The following ENO3 variants were observed in gnomAD, a reference collection of about 807,000 sequenced individuals.
ENO3 encodes the protein enolase 3.
In ENO3, 46 loss-of-function variants were observed where a neutral mutation model predicts 47.7. That is an observed-to-expected ratio of 0.96 (90% CI 0.76 to 1.23). The LOEUF (loss-of-function observed/expected upper bound fraction) is 1.23. Ranked by LOEUF, ENO3 falls within the 50% of genes most tolerant of loss-of-function variation. The pLI, the probability that ENO3 is intolerant of heterozygous loss-of-function variation, is 0.00. For synonymous variants in ENO3, 223 were observed against 225.9 expected (o/e 0.99, Z 0.11); for missense variants, 575 against 566.2 (o/e 1.02, Z -0.16).
chr17:4,953,647 C>T, intron 5 of ENO3, 65 bp from the exon 6 acceptor site: 1 of 1,613,562 alleles, frequency 6.2e-7, no homozygotes, highest in Non-Finnish European at 8.5e-7. Flanking sequence ...CTGGCGTCTT[C>T]CTGGAGTAGC....
chr17:4,951,062 G>C (rs555482993), upstream of ENO3: 463 of 986,108 alleles, frequency 4.7e-4, no homozygotes, highest in Admixed American at 2.6e-3. Context: ...GAGAGGCGGG[G>C]CTGGCTGGGG....
At chr17:4,954,996 A>AG in intron 6 of ENO3, 79 bp from the exon 7 acceptor site, 6 of 1,359,744 alleles carry the variant, frequency 4.4e-6, no homozygotes, top group Non-Finnish European at 4.1e-6. Context: ...CCAGGTTTCC[A>AG]CCCCAACACC....
rs926240215 is a variant in ENO3, at chr17:4,953,125, C to G, written c.240+16C>G. 2 of 1,614,158 alleles carry G rather than the reference C, an allele frequency of 1.2e-6. No homozygotes were observed. Among genetic ancestry groups the G allele is most frequent in the Non-Finnish European group, 1.7e-6 (2 of 1,180,022 alleles). ...GCTGCAAAAGGCAAGTGGGGAAGCC[C>G]GCTCGCTGCAGCCTCCTCCCCATGC... On this transcript the variant is annotated intron_variant, in intron 4 of 11. Transcript: ENST00000519602.
Position 4,954,162 on chromosome 17 carries a change from A to G in ENO3, c.444+317A>G. On this transcript the variant is annotated intron_variant, in intron 6 of 11. Transcript: ENST00000519602. ...TATTGAGAGTTTCTTTGAGGCAAAGATCTTGGCATTTCTTTGTATCTTCTT... is the reference window on the plus strand; with the variant it reads ...TATTGAGAGTTTCTTTGAGGCAAAGGTCTTGGCATTTCTTTGTATCTTCTT... 6.6e-6 allele frequency: 3 copies of G among 454,622 alleles called. No individual in the cohort carries two copies. In the South Asian group the frequency reaches 7.1e-5, roughly 11 times the overall value. 28.2% of individuals were successfully genotyped at this position (454,622 alleles called of 1,614,324 possible).
At chr17:4,952,133 T>G (rs1971558528) in intron 2 of ENO3, 1 of 669,190 alleles carries the variant, frequency 1.5e-6, no homozygotes, top group Non-Finnish European at 2.7e-6. Context: ...AGAGGACACC[T>G]CAGCCCTTTG....
At chr17:4,948,742 G>T (rs1383137868), upstream of ENO3, 7 of 287,686 alleles carry the variant, frequency 2.4e-5, no homozygotes, top group Non-Finnish European at 4.6e-5. Flanking sequence ...GCAGAAGGAT[G>T]GGGGGTGGCG....
At chr17:4,955,669 T>C in intron 8 of ENO3, 65 bp downstream of exon 8, 2 of 1,601,796 alleles carry the variant, frequency 1.2e-6, no homozygotes, top group Non-Finnish European at 1.7e-6. Flanking sequence ...TATACTGATT[T>C]CAGTGACCTG....
rs779264075 is a variant in ENO3, at chr17:4,955,186, G to T, written c.556G>T (p.Ala186Ser). The change falls in exon 7 of 12, where the codon GCC becomes TCC. Residue 186 changes from alanine (A) to serine (S), a missense_variant. Transcript: ENST00000519602. Reference sequence around the variant, plus strand: ...CTTCAAGGAAGCCATGCGCATTGGCGCCGAGGTCTACCACCACCTCAAGGG... The same window carrying T: ...CTTCAAGGAAGCCATGCGCATTGGCTCCGAGGTCTACCACCACCTCAAGGG... Reference protein sequence around the residue: ...SSFKEAMRIGAEVYHHLKGVI... With the variant: ...SSFKEAMRIGSEVYHHLKGVI... 3.7e-6 allele frequency: 6 copies of T among 1,614,116 alleles called. No homozygotes were observed. In the Admixed American group the frequency reaches 1.0e-4, roughly 27 times the overall value.
rs372893427 is a variant in ENO3, at chr17:4,956,815, C to A, written c.1177-16C>A. ...CCAGCCTCACCTAACCCTCCAAATT[C>A]TTCTTCCCTCATCAGATCAAGACTG... On this transcript the variant is annotated splice_polypyrimidine_tract_variant and intron_variant, in intron 10 of 11. Transcript: ENST00000519602. The A allele has an allele frequency of 6.8e-6, 11 of 1,614,038 alleles. No homozygotes were observed. In the African/African-American group the frequency reaches 9.3e-5, roughly 14 times the overall value.
rs1597703318 is a variant in ENO3, at chr17:4,955,462, G to A, written c.723G>A (p.Val241=). Residue 241 remains valine (V), a synonymous_variant, in exon 8 of 12, where the codon GTG becomes GTA. Coordinates refer to ENST00000519602, the MANE Select transcript of ENO3 (RefSeq NM_053013.4). ...IQAAGYPDKV[V]IGMDVAASEF... ...CGGCTGGTTACCCAGACAAGGTGGT[G>A]ATCGGCATGGATGTGGCAGCATCTG... is the stretch of plus-strand genomic sequence containing the variant. 2.5e-6 allele frequency: 4 copies of A among 1,614,210 alleles called. No homozygotes were observed. The highest frequency in any genetic ancestry group is 3.4e-6 in the Non-Finnish European group (4 of 1,180,018).
Position 4,955,929 on chromosome 17 carries a change from C to T in ENO3, c.866-13C>T, listed in dbSNP as rs968061465. The T allele has an allele frequency of 1.2e-6, 2 of 1,612,202 alleles. No homozygotes were observed. The highest frequency in any genetic ancestry group is 2.2e-5 in the South Asian group (2 of 90,948). On this transcript the variant is annotated splice_polypyrimidine_tract_variant and intron_variant, in intron 8 of 11. Transcript: ENST00000519602. ...CTCTGTCTCTGCCCTGTCTCTGCTC[C>T]AAACCCCACCAGTGGTCTCCATCGA...
intron 9 of ENO3, 113 bp from the exon 10 acceptor site, chr17:4,956,460 G>A (rs1040338305): frequency 1.9e-6 from 2 of 1,028,240 alleles, no homozygotes; most frequent in East Asian, 4.7e-5. Flanking sequence ...CTTAGTCACT[G>A]CCCTCCCTGC....
chr17:4,951,236 A>G (rs1273100347), intron 1 of ENO3, 54 bp downstream of exon 1: 1 of 1,002,804 alleles, frequency 1.0e-6, no homozygotes. Context: ...TGAGCATGGT[A>G]TTGGCTTGGA....
chr17:4,952,555 T>C (rs1019565829), intron 2 of ENO3, among the ~76,000 whole-genome samples: 12 of 152,268 alleles, frequency 7.9e-5, no homozygotes, highest in Admixed American at 4.6e-4. Context: ...GATCTCCTGA[T>C]CTCGTGATCC....
At chr17:4,956,515 C>T in intron 9 of ENO3, 58 bp from the exon 10 acceptor site, 2 of 1,571,058 alleles carry the variant, frequency 1.3e-6, no homozygotes, top group Non-Finnish European at 8.8e-7. Context: ...CCCACCCAAC[C>T]CCTGCTTTCC....
chr17:4,954,849 G>T (rs1229997760), intron 6 of ENO3, among the ~76,000 whole-genome samples: 1 of 149,374 alleles, frequency 6.7e-6, no homozygotes, highest in Non-Finnish European at 1.5e-5. Flanking sequence ...GGAGGCGGAG[G>T]TTGCGCCATT....
intron 2 of ENO3, chr17:4,952,469 G>T (rs931454005): frequency 2.8e-6 from 1 of 360,154 alleles, no homozygotes; most frequent in South Asian, 2.2e-5. Context: ...TCAGCCTCCC[G>T]AGTAGCTGGG....
chr17:4,952,107 C>T (rs1283378355), intron 2 of ENO3, 193 bp downstream of exon 2: 1 of 695,238 alleles, frequency 1.4e-6, no homozygotes, highest in East Asian at 2.8e-5. Context: ...GCACTGCCTC[C>T]TGTCCCTGAG....
At chr17:4,953,934 T>C in intron 6 of ENO3, 89 bp downstream of exon 6, 1 of 1,594,130 alleles carries the variant, frequency 6.3e-7, no homozygotes, top group Non-Finnish European at 8.6e-7. Context: ...AAATCCACCT[T>C]TCAGACCAGC....
Sources: allele counts gnomAD v4.1 joint callset (sites outside exome capture counted in the v4.1 genomes callset), GRCh38; gene constraint gnomAD v4.1.1; transcripts MANE v1.5; gene names NCBI Gene and HGNC (gene_info 2026-07-23, HGNC 2026-07-21).